IL1RAPL2: variants seen among roughly 807,000 people sequenced by gnomAD.
IL1RAPL2 encodes the protein interleukin 1 receptor accessory protein like 2, also known as X-linked interleukin-1 receptor accessory protein-like 2.
IL1RAPL2 carries 3 observed loss-of-function variants against 44.1 expected under a neutral mutation model. The observed-to-expected ratio is 0.07, with a 90% CI of 0.03 to 0.18. The LOEUF is 0.18. Ranked by LOEUF, IL1RAPL2 falls within the 10% of genes least tolerant of loss-of-function variation. The pLI is 1.00. For synonymous variants in IL1RAPL2, 181 were observed against 178.8 expected, an observed-to-expected ratio of 1.01 and a Z score of -0.10; for missense variants, 391 against 496.4, an observed-to-expected ratio of 0.79 and a Z score of 2.02.
intron 2 of IL1RAPL2, among the ~76,000 whole-genome samples, chrX:104,874,623 T>A (rs759163167): frequency 9.0e-6 from 1 of 110,670 alleles, no homozygotes; most frequent in East Asian, 2.8e-4. Flanking sequence ...GCAGGAAGAA[T>A]TTTTACATTC....
At chrX:104,643,080 A>G (rs1318566313) in intron 1 of IL1RAPL2, among the ~76,000 whole-genome samples, 2 of 112,188 alleles carry the variant, frequency 1.8e-5, no homozygotes, top group African/African-American at 6.5e-5. Flanking sequence ...TTGCCAGTAT[A>G]TGAGAGTGTT....
intron 2 of IL1RAPL2, among the ~76,000 whole-genome samples, chrX:105,179,801 T>C (rs1014861951): frequency 6.4e-5 from 7 of 108,772 alleles, no homozygotes; most frequent in Non-Finnish European, 1.3e-4. Context: ...TAGGTCATTA[T>C]TGATGTATAA....
chrX:105,578,203 G>A (rs1434160141), intron 6 of IL1RAPL2, among the ~76,000 whole-genome samples: 1 of 110,561 alleles, frequency 9.0e-6, no homozygotes, highest in African/African-American at 3.3e-5. Context: ...CTTTTGACTA[G>A]CTTCCATGCA....
intron 2 of IL1RAPL2, among the ~76,000 whole-genome samples, chrX:104,813,685 C>A (rs1174655306): frequency 9.0e-6 from 1 of 111,491 alleles, no homozygotes; most frequent in Admixed American, 9.5e-5. Flanking sequence ...GACTCAGCTT[C>A]TTTTCATTAT....
intron 4 of IL1RAPL2, among the ~76,000 whole-genome samples, chrX:105,243,698 G>C (rs1808667739): frequency 9.3e-6 from 1 of 107,688 alleles, no homozygotes. Context: ...CATAGCTACT[G>C]TTTCTTAGCT....
chrX:105,566,128 G>T, intron 6 of IL1RAPL2, among the ~76,000 whole-genome samples: 1 of 111,073 alleles, frequency 9.0e-6, no homozygotes, highest in Non-Finnish European at 1.9e-5. Flanking sequence ...TCTCCTCAGA[G>T]AAATAAAACC....
intron 2 of IL1RAPL2, among the ~76,000 whole-genome samples, chrX:105,077,674 G>A (rs1365403632): frequency 5.4e-5 from 6 of 111,731 alleles, no homozygotes; most frequent in African/African-American, 2.0e-4. Flanking sequence ...GTCACTTTCA[G>A]GTACACCAAT....
At chrX:105,064,288 C>T (rs900272653) in intron 2 of IL1RAPL2, among the ~76,000 whole-genome samples, 8 of 112,406 alleles carry the variant, frequency 7.1e-5, no homozygotes, top group South Asian at 7.4e-4. Context: ...TTCTCTCCCC[C>T]TTCCACAGGC....
intron 6 of IL1RAPL2, among the ~76,000 whole-genome samples, chrX:105,545,808 T>A (rs970363745): frequency 9.0e-6 from 1 of 111,682 alleles, no homozygotes; most frequent in Non-Finnish European, 1.9e-5. Flanking sequence ...CTGTGCAGAC[T>A]TTACTTTCTT....
At chrX:104,636,535 G>A (rs1929811270) in intron 1 of IL1RAPL2, among the ~76,000 whole-genome samples, 1 of 111,987 alleles carries the variant, frequency 8.9e-6, no homozygotes, top group African/African-American at 3.2e-5. Flanking sequence ...CTCAAGCCTT[G>A]GCAATGGCGG....
chrX:104,724,947 A>G (rs952761156), intron 2 of IL1RAPL2, among the ~76,000 whole-genome samples: 1 of 111,360 alleles, frequency 9.0e-6, no homozygotes, highest in African/African-American at 3.3e-5. Context: ...CAGGTTTGCT[A>G]CATAGGTATA....
intron 2 of IL1RAPL2, among the ~76,000 whole-genome samples, chrX:104,688,900 TCAGAG>T (rs1384446015): frequency 8.9e-6 from 1 of 112,184 alleles, no homozygotes; most frequent in African/African-American, 3.2e-5. Flanking sequence ...AAGTTCTAGT[TCAGAG>T]CAAAATAACA....
intron 5 of IL1RAPL2, among the ~76,000 whole-genome samples, chrX:105,403,005 A>G (rs2035616748): frequency 8.9e-6 from 1 of 111,942 alleles, no homozygotes; most frequent in Admixed American, 9.5e-5. Context: ...CAAAGGAGAG[A>G]CTTCACCAAT....
intron 2 of IL1RAPL2, among the ~76,000 whole-genome samples, chrX:104,783,591 CTGTT>C (rs750935281): frequency 4.5e-5 from 5 of 109,992 alleles, no homozygotes; most frequent in African/African-American, 6.6e-5. Flanking sequence ...CTGCTGGTGG[CTGTT>C]TGTATGAGGT....
At chrX:105,208,197 A>T (rs191620271) in intron 3 of IL1RAPL2, among the ~76,000 whole-genome samples, 20 of 112,041 alleles carry the variant, frequency 1.8e-4, no homozygotes, top group Middle Eastern at 4.6e-3. Context: ...AAGGTTTCAG[A>T]TGTTTTTGAA....
intron 2 of IL1RAPL2, among the ~76,000 whole-genome samples, chrX:104,696,937 C>T (rs1351282080): frequency 8.9e-6 from 1 of 112,144 alleles, no homozygotes; most frequent in Admixed American, 9.5e-5. Context: ...TTCAGCTTCC[C>T]TGTCCTGGGG....
At chrX:105,211,678 G>C (rs1042824681) in intron 3 of IL1RAPL2, among the ~76,000 whole-genome samples, 10 of 111,130 alleles carry the variant, frequency 9.0e-5, no homozygotes, top group Non-Finnish European at 9.4e-5. Context: ...TAATCTGATG[G>C]GGAGGCACCA....
At chrX:105,757,832 C>T (rs1022954867) in intron 10 of IL1RAPL2, among the ~76,000 whole-genome samples, 5 of 111,768 alleles carry the variant, frequency 4.5e-5, no homozygotes, top group Non-Finnish European at 9.4e-5. Context: ...TCTTTTCCAT[C>T]AACATTTTAG....
intron 2 of IL1RAPL2, among the ~76,000 whole-genome samples, chrX:104,824,551 C>G (rs1921399425): frequency 8.9e-6 from 1 of 111,809 alleles, no homozygotes. Context: ...TTAATTACTG[C>G]CTGAATTTCA....
Sources: gnomAD v4.1 joint callset for allele counts (sites outside exome capture counted in the v4.1 genomes callset) on GRCh38, gnomAD v4.1.1 for gene constraint, MANE v1.5 for transcripts, NCBI Gene and HGNC (gene_info 2026-07-23, HGNC 2026-07-21) for gene names.